PUDP: variants seen among roughly 807,000 people sequenced by gnomAD.
The protein encoded by PUDP is pseudouridine 5'-phosphatase.
Under a neutral mutation model 9.4 loss-of-function variants are expected in PUDP, and 8 were observed. That is an observed-to-expected ratio of 0.85 (90% CI 0.50 to 1.53). PUDP has a LOEUF of 1.53. Among genes scored for constraint, PUDP ranks in the 40% most tolerant of loss-of-function variants. The probability of loss-of-function intolerance (pLI) is 0.00; values close to 1 mark genes in which losing one functional copy is unlikely to be tolerated. For missense variants in PUDP, 188 were observed against 189.7 expected (o/e 0.99, Z 0.05); for synonymous variants, 99 against 80.7 (o/e 1.23, Z -1.22).
chrX:6,777,008 G>C (rs12008224), intron 3 of PUDP, among the ~76,000 whole-genome samples: 1 of 112,325 alleles, frequency 8.9e-6, no homozygotes, highest in African/African-American at 3.2e-5. Context: ...CATTGGATCT[G>C]AGCTCTTTCT....
At chrX:6,806,943 T>C (rs901002559) in intron 3 of PUDP, among the ~76,000 whole-genome samples, 3 of 112,220 alleles carry the variant, frequency 2.7e-5, no homozygotes, top group African/African-American at 9.7e-5. Flanking sequence ...ACAGAGGGTA[T>C]GAAGGTCACA....
At chrX:6,946,977 T>TTTTTG (rs780640014) in intron 3 of PUDP, among the ~76,000 whole-genome samples, 1 of 100,986 alleles carries the variant, frequency 9.9e-6, no homozygotes, top group African/African-American at 3.7e-5. Flanking sequence ...GTCTGTTTTT[T>TTTTTG]TTTGTTTGTT....
intron 3 of PUDP, among the ~76,000 whole-genome samples, chrX:6,896,904 A>T (rs147604647): frequency 0.049 from 5,464 of 111,254 alleles, 141 homozygotes; most frequent in East Asian, 0.15. Context: ...GAGTAGTATA[A>T]TTATTGCAAT....
At chrX:6,915,228 A>C (rs979285511) in intron 3 of PUDP, among the ~76,000 whole-genome samples, 1 of 112,245 alleles carries the variant, frequency 8.9e-6, no homozygotes, top group Non-Finnish European at 1.9e-5. Context: ...TCACAAATAC[A>C]TGGTTTGTTT....
chrX:7,045,070 G>T (rs1244848212), downstream of PUDP, among the ~76,000 whole-genome samples: 2 of 112,330 alleles, frequency 1.8e-5, no homozygotes, highest in Non-Finnish European at 3.8e-5. Context: ...ACATGGGATT[G>T]GTGGGAGGTG....
chrX:7,136,911 G>A (rs1932753721), intron 1 of PUDP, among the ~76,000 whole-genome samples: 1 of 111,656 alleles, frequency 9.0e-6, no homozygotes, highest in Non-Finnish European at 1.9e-5. Context: ...TTTACAAACT[G>A]TGCAGAACAT....
intron 3 of PUDP, among the ~76,000 whole-genome samples, chrX:6,853,186 C>A (rs1036624962): frequency 3.6e-5 from 4 of 111,330 alleles, no homozygotes; most frequent in Admixed American, 1.9e-4. Context: ...AGGCAAGCCC[C>A]CCTGTGCAAG....
chrX:6,751,598 C>G (rs747864768), intron 3 of PUDP, among the ~76,000 whole-genome samples: 3 of 111,408 alleles, frequency 2.7e-5, no homozygotes, highest in East Asian at 5.6e-4. Flanking sequence ...TAAGGAGAAT[C>G]TCTTGGAAGG....
chrX:7,056,812 G>A (rs954222270), intron 3 of PUDP, among the ~76,000 whole-genome samples: 9 of 112,274 alleles, frequency 8.0e-5, no homozygotes, highest in Admixed American at 7.5e-4. Flanking sequence ...TCTGCTTAGT[G>A]CAAGGGAAGT....
intron 3 of PUDP, among the ~76,000 whole-genome samples, chrX:6,818,927 AGAT>A (rs200926643): frequency 0.019 from 2,156 of 112,215 alleles, 54 homozygotes; most frequent in African/African-American, 0.067. Flanking sequence ...GGAATATTAA[AGAT>A]GATGATAGTT....
At chrX:6,735,353 A>G (rs1485468047) in intron 3 of PUDP, among the ~76,000 whole-genome samples, 2 of 111,584 alleles carry the variant, frequency 1.8e-5, no homozygotes, top group East Asian at 5.6e-4. Context: ...TCAGTGACCA[A>G]CCACCTCGGA....
chrX:6,787,779 G>A (rs1925671201), intron 3 of PUDP, among the ~76,000 whole-genome samples: 1 of 111,778 alleles, frequency 8.9e-6, no homozygotes, highest in South Asian at 3.7e-4. Context: ...ATACATATGG[G>A]TAAATTGTTT....
chrX:6,754,996 G>A (rs1193778427), intron 3 of PUDP, among the ~76,000 whole-genome samples: 5 of 111,271 alleles, frequency 4.5e-5, no homozygotes, highest in Admixed American at 3.8e-4. Context: ...TGTTGGTTTT[G>A]CTGTGAAAAT....
intron 3 of PUDP, among the ~76,000 whole-genome samples, chrX:7,073,870 G>C (rs180919034): frequency 1.1e-3 from 128 of 112,903 alleles, no homozygotes; most frequent in African/African-American, 3.9e-3. Flanking sequence ...TTTAAAAAAT[G>C]CAACTGCTCA....
At chrX:7,047,710 G>A (rs1174582175), downstream of PUDP, among the ~76,000 whole-genome samples, 1 of 112,442 alleles carries the variant, frequency 8.9e-6, no homozygotes, top group Non-Finnish European at 1.9e-5. Context: ...TTGCTTGTGA[G>A]ACAAAGAGTC....
At chrX:6,957,666 G>C (rs1445757201) in intron 3 of PUDP, among the ~76,000 whole-genome samples, 1 of 112,437 alleles carries the variant, frequency 8.9e-6, no homozygotes, top group Non-Finnish European at 1.9e-5. Context: ...CTGAGAATTT[G>C]GCAGTGGCTC....
chrX:6,770,354 G>A (rs1171793624), intron 3 of PUDP, among the ~76,000 whole-genome samples: 1 of 112,253 alleles, frequency 8.9e-6, no homozygotes, highest in Non-Finnish European at 1.9e-5. Flanking sequence ...TTATTATCTG[G>A]CCCTTTGCAG....
chrX:7,102,317 CAAAA>C, intron 2 of PUDP, among the ~76,000 whole-genome samples: 1 of 56,652 alleles, frequency 1.8e-5, no homozygotes. Flanking sequence ...AATAAGGAAC[CAAAA>C]AAAAAAAAAA....
intron 3 of PUDP, among the ~76,000 whole-genome samples, chrX:7,052,389 A>G (rs1230678140): frequency 9.0e-6 from 1 of 110,935 alleles, no homozygotes; most frequent in African/African-American, 3.3e-5. Context: ...CCAGGTATAT[A>G]GCAGCGACTC....
Sources: gnomAD v4.1 joint callset for allele counts (sites outside exome capture counted in the v4.1 genomes callset) on GRCh38, gnomAD v4.1.1 for gene constraint, MANE v1.5 for transcripts, NCBI Gene and HGNC (gene_info 2026-07-23, HGNC 2026-07-21) for gene names.